Variants in BIN1 observed in about 807,000 individuals in gnomAD.
BIN1 encodes bridging integrator 1, also known as myc box-dependent-interacting protein 1.
In BIN1, 53 loss-of-function variants were observed where a neutral mutation model predicts 82.0. The ratio of observed to expected loss-of-function variants is 0.65; its 90% CI spans 0.52 to 0.81. The LOEUF (loss-of-function observed/expected upper bound fraction) is 0.81. BIN1 is among the 40% of genes least tolerant of loss of function. The pLI is 0.00. For missense variants in BIN1, 642 were observed against 784.4 expected, an observed-to-expected ratio of 0.82 and a Z score of 2.17; for synonymous variants, 302 against 328.0, an observed-to-expected ratio of 0.92 and a Z score of 0.86.
chr2:127,102,268 C>T (rs1159438948), intron 1 of BIN1, among the ~76,000 whole-genome samples: 1 of 152,148 alleles, frequency 6.6e-6, no homozygotes, highest in Non-Finnish European at 1.5e-5. Context: ...TTGTAAGGGA[C>T]CAGCTGGGCT....
Position 127,057,460 on chromosome 2 carries a change from G to A in BIN1, c.1131+13C>T, listed in dbSNP as rs373100782. 16 of 1,543,516 alleles carry A rather than the reference G, an allele frequency of 1.0e-5. No homozygotes were observed. The highest frequency in any genetic ancestry group is 4.9e-5 in the East Asian group (2 of 40,692). On this transcript the variant is annotated intron_variant, in intron 12 of 18. Transcript: ENST00000316724. The surrounding 1 kb of genome is among the most constrained non-coding windows in gnomAD (Gnocchi z 5.0). Reference sequence around the variant, plus strand: ...GAAGAGAGGAGAGCTGGGCCGCGGCGGCCGCGGCTGACCTGGGAGGGGGTG... The same window carrying A: ...GAAGAGAGGAGAGCTGGGCCGCGGCAGCCGCGGCTGACCTGGGAGGGGGTG...
intron 1 of BIN1, among the ~76,000 whole-genome samples, chr2:127,079,785 G>A (rs1170575719): frequency 2.6e-5 from 4 of 152,218 alleles, no homozygotes; most frequent in African/African-American, 9.6e-5. Context: ...CTCAGCGGCT[G>A]CTGCTCATCT....
intron 18 of BIN1, among the ~76,000 whole-genome samples, chr2:127,048,862 T>C (rs1461534108): frequency 2.0e-5 from 3 of 152,232 alleles, no homozygotes; most frequent in Admixed American, 6.5e-5. Context: ...CGCAGGTGGA[T>C]CTAACCATTC....
At position 127,069,982 on chromosome 2, in the gene BIN1, G is replaced by T; in HGVS notation, c.411+13C>A. 1 of 1,613,554 alleles carries T rather than the reference G, an allele frequency of 6.2e-7. No individual in the cohort carries two copies. The highest frequency in any genetic ancestry group is 8.5e-7 in the Non-Finnish European group (1 of 1,179,464). ...AGGCCAGAGCAGGGCAGATCTGCAA[G>T]TGGGTCTCTCACCTTGATGTCGGGG... On this transcript the variant is annotated intron_variant, in intron 5 of 18. Coordinates refer to ENST00000316724, the MANE Select transcript of BIN1 (RefSeq NM_139343.3).
intron 1 of BIN1, among the ~76,000 whole-genome samples, chr2:127,102,689 TGC>T: frequency 6.6e-6 from 1 of 152,280 alleles, no homozygotes; most frequent in East Asian, 1.9e-4. Flanking sequence ...CTGGAAGCCA[TGC>T]TTCCAACCTC....
At chr2:127,084,551 G>T (rs1235758603) in intron 1 of BIN1, among the ~76,000 whole-genome samples, 1 of 152,164 alleles carries the variant, frequency 6.6e-6, no homozygotes, top group East Asian at 1.9e-4. Flanking sequence ...GATTTCCTTC[G>T]GTGGAGAGGC....
rs144131052 is a variant in BIN1, at chr2:127,082,711, T to C, written c.85-6005A>G. ...CCCTCCTCCAAGCCCATCTCTCAAA[T>C]GCGAGCTGTCCCTGCAACCAGACAC... On this transcript the variant is annotated intron_variant, in intron 1 of 18. Coordinates refer to ENST00000316724, the MANE Select transcript of BIN1 (RefSeq NM_139343.3). This position sits in a 1 kb window ranked among gnomAD's most constrained non-coding sequence, Gnocchi z 6.1. Among the ~76,000 whole-genome samples, 17 of 152,198 alleles carry C rather than the reference T, an allele frequency of 1.1e-4. No individual in the cohort carries two copies. Among genetic ancestry groups the C allele is most frequent in the Non-Finnish European group, 2.4e-4 (16 of 68,010 alleles).
chr2:127,073,693 A>G (rs1315333050), intron 2 of BIN1, among the ~76,000 whole-genome samples: 1 of 152,118 alleles, frequency 6.6e-6, no homozygotes, highest in African/African-American at 2.4e-5. Flanking sequence ...GCCCATTTTG[A>G]GCAAAACCTT....
rs1680248511 is a variant in BIN1, at chr2:127,100,999, C to CCGGGGGGG, written c.84+5860_84+5861insCCCCCCCG. ...AGACTTGCCCAAGGGTAGGAATGTG[C>CCGGGGGGG]GGGGGGTGGGGATAGACTCAAACTC... On this transcript the variant is annotated intron_variant, in intron 1 of 18. Coordinates refer to ENST00000316724, the MANE Select transcript of BIN1 (RefSeq NM_139343.3). Among the ~76,000 whole-genome samples the CCGGGGGGG allele has an allele frequency of 3.9e-5, 4 of 101,732 alleles. No individual in the cohort carries two copies. The South Asian group carries it at 1.3e-3, about 33-fold the overall frequency. The allele number at this position is 101,732 out of a possible 152,430, so 66.7% of individuals were successfully genotyped here.
chr2:127,061,018 C>T (rs923236816), intron 10 of BIN1, among the ~76,000 whole-genome samples: 14 of 152,172 alleles, frequency 9.2e-5, no homozygotes, highest in African/African-American at 2.7e-4. Context: ...ACTCCTGGGC[C>T]TCTACTGCCC....
intron 9 of BIN1, among the ~76,000 whole-genome samples, chr2:127,062,610 C>A (rs17014851): frequency 0.31 from 47,123 of 152,058 alleles, 8,223 homozygotes; most frequent in South Asian, 0.49. Context: ...CAGGCACGAG[C>A]GGAGGTTTAT....
chr2:127,089,272 G>A (rs1023091968), intron 1 of BIN1, among the ~76,000 whole-genome samples: 1 of 152,100 alleles, frequency 6.6e-6, no homozygotes, highest in East Asian at 1.9e-4. Flanking sequence ...GGAAGACTCT[G>A]GCCCTTAAAA....
intron 13 of BIN1, 189 bp downstream of exon 13, chr2:127,053,716 G>A (rs1257216498): frequency 1.4e-6 from 1 of 704,070 alleles, no homozygotes; most frequent in East Asian, 2.7e-5. Context: ...CCTACTGAGA[G>A]TTCTCCCAGC....
At chr2:127,080,593 C>T (rs181991382) in intron 1 of BIN1, among the ~76,000 whole-genome samples, 36 of 152,328 alleles carry the variant, frequency 2.4e-4, no homozygotes, top group Admixed American at 5.2e-4. Context: ...TGGCGGCGGA[C>T]GAGACACACA....
chr2:127,088,610 C>T (rs1193262583), intron 1 of BIN1, among the ~76,000 whole-genome samples: 1 of 152,030 alleles, frequency 6.6e-6, no homozygotes, highest in Non-Finnish European at 1.5e-5. Context: ...TGATGGTGTG[C>T]ACCTATAGTC....
At position 127,068,403 on chromosome 2, in the gene BIN1, T is replaced by A; in HGVS notation, c.520-148A>T. The A allele has an allele frequency of 2.1e-6, 1 of 480,056 alleles. No homozygotes were observed. Among genetic ancestry groups the A allele is most frequent in the Non-Finnish European group, 3.7e-6 (1 of 267,410 alleles). The allele number at this position is 480,056 out of a possible 1,614,324, so 29.7% of individuals were successfully genotyped here. A position where few individuals can be genotyped will look rare whatever the true frequency, so the allele number is the denominator to read the frequency against. Reference sequence around the variant, plus strand: ...ATATGGGCCCTTGAGGCCGAGAGAATTAGGGGGAGCCCGGGGGGTAAGGAA... The same window carrying A: ...ATATGGGCCCTTGAGGCCGAGAGAAATAGGGGGAGCCCGGGGGGTAAGGAA... On this transcript the variant is annotated intron_variant, in intron 6 of 18. Coordinates refer to ENST00000316724, the MANE Select transcript of BIN1 (RefSeq NM_139343.3). The surrounding 1 kb of genome is among the most constrained non-coding windows in gnomAD (Gnocchi z 4.9).
chr2:127,051,846 T>C (rs1470401054), intron 15 of BIN1, among the ~76,000 whole-genome samples: 1 of 152,164 alleles, frequency 6.6e-6, no homozygotes, highest in Non-Finnish European at 1.5e-5. Context: ...ACACTCAGAC[T>C]TGGCCACTTC....
In BIN1 at chr2:127,078,301, C is replaced by G. The variant is rs77165518; in HGVS notation, c.85-1595G>C. ...CTTGGCCGGTACAGCAGAGAGGAAT[C>G]AGATGTGGGTCTCTGTCCTGACATG... On this transcript the variant is annotated intron_variant, in intron 1 of 18. Coordinates refer to ENST00000316724, the MANE Select transcript of BIN1 (RefSeq NM_139343.3). Among the ~76,000 whole-genome samples the G allele has an allele frequency of 5.6e-3, 850 of 152,336 alleles. 9 individuals are homozygous for G. The highest frequency in any genetic ancestry group is 0.02 in the African/African-American group (828 of 41,564).
Position 127,063,932 on chromosome 2 carries a change from C to T in BIN1, c.698+1G>A. ...AGGCTGGGCACCGTGCTGGGCCTCACCTGTTCCACAGGGACGGCAGCTCCT... is the reference window on the plus strand; with the variant it reads ...AGGCTGGGCACCGTGCTGGGCCTCATCTGTTCCACAGGGACGGCAGCTCCT... On this transcript the variant is annotated splice_donor_variant, in intron 8 of 18. Coordinates refer to ENST00000316724, the MANE Select transcript of BIN1 (RefSeq NM_139343.3). LOFTEE classifies it high-confidence loss of function. 3 of 1,613,674 alleles carry T rather than the reference C, an allele frequency of 1.9e-6. No individual in the cohort carries two copies. Among genetic ancestry groups the T allele is most frequent in the Non-Finnish European group, 2.5e-6 (3 of 1,179,966 alleles).
Sources: gnomAD v4.1 joint callset for allele counts (sites outside exome capture counted in the v4.1 genomes callset) on GRCh38, gnomAD v4.1.1 for gene constraint, Gnocchi (gnomAD v3.1) non-coding constraint, MANE v1.5 for transcripts, NCBI Gene and HGNC (gene_info 2026-07-23, HGNC 2026-07-21) for gene names.